Variants in HLX observed in about 807,000 individuals in gnomAD.
HLX encodes the protein H2.0 like homeobox.
HLX carries 6 observed loss-of-function variants against 27.7 expected under a neutral mutation model. The observed-to-expected ratio is 0.22, with a 90% CI of 0.12 to 0.43. The LOEUF (loss-of-function observed/expected upper bound fraction) is 0.43. Among genes scored for constraint, HLX ranks in the 20% least tolerant of loss-of-function variants. The probability of loss-of-function intolerance (pLI) is 1.00; values close to 1 mark genes in which losing one functional copy is unlikely to be tolerated. For missense variants in HLX, 666 were observed against 655.2 expected, an observed-to-expected ratio of 1.02 and a Z score of -0.18; for synonymous variants, 328 against 293.8, an observed-to-expected ratio of 1.12 and a Z score of -1.19.
intron 2 of HLX, chr1:220,881,954 G>A (rs575410025): frequency 1.9e-4 from 125 of 655,646 alleles, no homozygotes; most frequent in Non-Finnish European, 3.0e-4. Flanking sequence ...TCCACTCCAC[G>A]CTCGCTTTAG....
chr1:220,884,831 A>G lies in HLX; in HGVS notation c.*127A>G, dbSNP rs1674535917. On this transcript the variant is annotated 3_prime_UTR_variant, in exon 4 of 4. Coordinates refer to ENST00000366903, the MANE Select transcript of HLX (RefSeq NM_021958.4). The surrounding 1 kb of genome is among the most constrained non-coding windows in gnomAD (Gnocchi z 4.9). Reference sequence around the variant, plus strand: ...CGCAGCGTGGAGCCTACCTCCCGACATTCACGCTTCGCCCCACGCTGCTCC... The same window carrying G: ...CGCAGCGTGGAGCCTACCTCCCGACGTTCACGCTTCGCCCCACGCTGCTCC... 7.0e-7 allele frequency: 1 copy of G among 1,425,190 alleles called. No individual in the cohort carries two copies. The highest frequency in any genetic ancestry group is 1.3e-5 in the South Asian group (1 of 74,608). 88.3% of individuals were successfully genotyped at this position (1,425,190 alleles called of 1,614,324 possible).
chr1:220,881,606 A>G, intron 2 of HLX: 1 of 571,538 alleles, frequency 1.7e-6, no homozygotes, highest in South Asian at 2.0e-5. Flanking sequence ...GTGTGCGTGG[A>G]CGGTGGGGTG....
chr1:220,880,348 G>A lies in HLX; in HGVS notation c.491G>A (p.Gly164Asp). Residue 164 changes from glycine (G) to aspartate (D), a missense_variant, in exon 1 of 4, where the codon GGC becomes GAC. Gly to Asp is a moderately conservative substitution (Grantham distance 94). Coordinates refer to ENST00000366903, the MANE Select transcript of HLX (RefSeq NM_021958.4). ...GTGGTTCCGAACCCCCACCACAGTG[G>A]CTCTGCCCCGGCCCCCTCCAGCAAA... ...TRVVPNPHHS[G>D]SAPAPSSKDL... 6.2e-7 allele frequency: 1 copy of A among 1,614,052 alleles called. No homozygotes were observed. Among genetic ancestry groups the A allele is most frequent in the Non-Finnish European group, 8.5e-7 (1 of 1,179,954 alleles).
intron 1 of HLX, chr1:220,880,708 T>C (rs954545409): frequency 1.6e-5 from 9 of 577,566 alleles, no homozygotes; most frequent in African/African-American, 1.5e-4. Context: ...GTTGGTGTAA[T>C]TATCTGCTAA....
chr1:220,884,477 G>T lies in HLX; in HGVS notation c.1240G>T (p.Ala414Ser), dbSNP rs370407346. The T allele has an allele frequency of 6.2e-7, 1 of 1,614,120 alleles. No individual in the cohort carries two copies. The change falls in exon 4 of 4, where the codon GCC (alanine) becomes TCC (serine). Residue 414 changes from alanine (A) to serine (S), a missense_variant. Ala to Ser is a moderately conservative substitution (Grantham distance 99). Coordinates refer to ENST00000366903, the MANE Select transcript of HLX (RefSeq NM_021958.4). This position sits in a 1 kb window ranked among gnomAD's most constrained non-coding sequence, Gnocchi z 4.9. ...TTVIKAPVTG[A>S]LITASSAGSG... is the part of the protein sequence containing the mutation. ...AGTTATTAAGGCCCCGGTCACTGGC[G>T]CCCTCATTACCGCCAGCAGTGCTGG...
In HLX at chr1:220,884,763, G is replaced by A. The variant is rs1674533948; in HGVS notation, c.*59G>A. 1.9e-6 allele frequency: 3 copies of A among 1,581,166 alleles called. No individual in the cohort carries two copies. The highest frequency in any genetic ancestry group is 1.7e-4 in the Middle Eastern group (1 of 5,834). On this transcript the variant is annotated 3_prime_UTR_variant, in exon 4 of 4. Coordinates refer to ENST00000366903, the MANE Select transcript of HLX (RefSeq NM_021958.4). This position sits in a 1 kb window ranked among gnomAD's most constrained non-coding sequence, Gnocchi z 4.9. ...GTGCAGCCTCCCAACCATGGGCTGG[G>A]TTTTGTGCTTACTGTATGTTGGCGA...
chr1:220,884,423 G>A lies in HLX; in HGVS notation c.1186G>A (p.Gly396Arg). Residue 396 changes from glycine (G) to arginine (R), a missense_variant, in exon 4 of 4, where the codon GGG (glycine) becomes AGG (arginine). Physicochemically the swap from Gly to Arg is moderately radical, Grantham distance 125. Transcript: ENST00000366903. This position sits in a 1 kb window ranked among gnomAD's most constrained non-coding sequence, Gnocchi z 4.9. ...MAPSDTERTEGSERSLHQTTV... is the reference protein window; with the variant it reads ...MAPSDTERTERSERSLHQTTV... The stretch of plus-strand genomic sequence containing the variant: ...CCCCAGCGACACGGAGCGGACTGAG[G>A]GGAGTGAGCGTTCTCTGCACCAAAC... 1 of 1,614,184 alleles carries A rather than the reference G, an allele frequency of 6.2e-7. No homozygotes were observed. The highest frequency in any genetic ancestry group is 1.3e-5 in the African/African-American group (1 of 75,050).
At chr1:220,880,791 A>G (rs1392494271) in intron 1 of HLX, 6 of 411,474 alleles carry the variant, frequency 1.5e-5, no homozygotes, top group Non-Finnish European at 2.6e-5. Flanking sequence ...CATTTTTGGG[A>G]AACACTTTCG....
Position 220,879,531 on chromosome 1 carries a change from G to C in HLX, c.-327G>C, listed in dbSNP as rs1356538125. 2.4e-6 allele frequency: 1 copy of C among 424,910 alleles called. No homozygotes were observed. Among genetic ancestry groups the C allele is most frequent in the Non-Finnish European group, 4.2e-6 (1 of 238,690 alleles). The allele number at this position is 424,910 out of a possible 1,614,324, so 26.3% of individuals were successfully genotyped here. A position where few individuals can be genotyped will look rare whatever the true frequency, so the allele number is the denominator to read the frequency against. ...GGCTTAGCTATTTGGGTTTTCTTGC[G>C]GTGTCCGGCTCCCGTCTCCCTGGCT... On this transcript the variant is annotated 5_prime_UTR_variant, in exon 1 of 4. Coordinates refer to ENST00000366903, the MANE Select transcript of HLX (RefSeq NM_021958.4).
rs1674387085 is a variant in HLX at position 220,879,983 on chromosome 1, C to T, written c.126C>T (p.Pro42=). The change falls in exon 1 of 4, where the codon CCC becomes CCT. Residue 42 remains proline (P), a synonymous_variant. Transcript: ENST00000366903. ...FPLDPAAVKK[P]SFCIADILHA... is the part of the protein sequence containing the mutation. ...TGGACCCCGCCGCCGTCAAAAAGCC[C>T]TCCTTCTGCATCGCAGACATTCTGC... is the stretch of plus-strand genomic sequence containing the variant. The T allele has an allele frequency of 6.3e-7, 1 of 1,599,068 alleles. No individual in the cohort carries two copies. Among genetic ancestry groups the T allele is most frequent in the African/African-American group, 1.3e-5 (1 of 74,952 alleles).
rs771063150 is a variant in HLX, at chr1:220,884,612, G to T, written c.1375G>T (p.Gly459Cys). Reference sequence around the variant, plus strand: ...TTGCGCCAGCAGCCTTGGCGGCGGCGGCGCCTCGGAGCTTCTCCCTGCAAC... The same window carrying T: ...TTGCGCCAGCAGCCTTGGCGGCGGCTGCGCCTCGGAGCTTCTCCCTGCAAC... ...AGCASSLGGGGASELLPATQP... is the reference protein window; with the variant it reads ...AGCASSLGGGCASELLPATQP... Residue 459 changes from glycine (G) to cysteine (C), a missense_variant, in exon 4 of 4, where the codon GGC (glycine) becomes TGC (cysteine). By Grantham distance (159) the Gly-to-Cys change is radical. Coordinates refer to ENST00000366903, the MANE Select transcript of HLX (RefSeq NM_021958.4). This position sits in a 1 kb window ranked among gnomAD's most constrained non-coding sequence, Gnocchi z 4.9. 8.1e-6 allele frequency: 13 copies of T among 1,607,886 alleles called. No homozygotes were observed. The highest frequency in any genetic ancestry group is 1.0e-5 in the Non-Finnish European group (12 of 1,177,500).
At chr1:220,881,157 C>T in intron 1 of HLX, 37 bp from the exon 2 acceptor site, 1 of 1,581,000 alleles carries the variant, frequency 6.3e-7, no homozygotes, top group East Asian at 2.2e-5. Flanking sequence ...TGAGTGTGCC[C>T]GAGATGTAAC....
chr1:220,881,559 T>C (rs1674443795), intron 2 of HLX, 186 bp downstream of exon 2: 5 of 665,084 alleles, frequency 7.5e-6, no homozygotes, highest in Admixed American at 2.3e-5. Flanking sequence ...TGGTTCCCCT[T>C]GAAAAGGGGT....
chr1:220,883,628 C>T (rs577042395), intron 3 of HLX: 1 of 157,070 alleles, frequency 6.4e-6, no homozygotes, highest in South Asian at 1.9e-4. Flanking sequence ...CTGTGATTAA[C>T]AGTTTAAAAC....
Position 220,879,929 on chromosome 1 carries a change from G to C in HLX, c.72G>C (p.Ser24=), listed in dbSNP as rs757694055. The change falls in exon 1 of 4, where the codon TCG becomes TCC. Residue 24 remains serine (S), a synonymous_variant. Transcript: ENST00000366903. ...TCTGGTCGGCCGCTTACTGCTCCTCGGCCGGCCCAGGCGGCTGCTCCTTCC... is the reference window on the plus strand; with the variant it reads ...TCTGGTCGGCCGCTTACTGCTCCTCCGCCGGCCCAGGCGGCTGCTCCTTCC... ...FSLWSAAYCS[S]AGPGGCSFPL... is the part of the protein sequence containing the mutation. 4.6e-5 allele frequency: 74 copies of C among 1,597,094 alleles called. 1 individual carries two copies. The highest frequency in any genetic ancestry group is 5.9e-5 in the Non-Finnish European group (70 of 1,177,874).
rs568333307 is a variant in HLX at position 220,883,879 on chromosome 1, G to C, written c.958-316G>C. The C allele has an allele frequency of 1.4e-5, 6 of 433,816 alleles. No individual in the cohort carries two copies. The South Asian group carries it at 1.8e-4, about 13-fold the overall frequency. The allele number at this position is 433,816 out of a possible 1,614,324, so 26.9% of individuals were successfully genotyped here. A position where few individuals can be genotyped will look rare whatever the true frequency, so the allele number is the denominator to read the frequency against. ...ATTACATGGATTTAGAGTAGAGAGA[G>C]AGTATGTTGGGGGTCGGGTGCAGGA... On this transcript the variant is annotated intron_variant, in intron 3 of 3. Coordinates refer to ENST00000366903, the MANE Select transcript of HLX (RefSeq NM_021958.4).
rs528225208 is a variant in HLX, at chr1:220,879,852, G to A, written c.-6G>A. ...CTGCGGCAGCCGCGCGGCTCACCCCGGCAGGATGTTCGCAGCCGGGCTGGC... is the reference window on the plus strand; with the variant it reads ...CTGCGGCAGCCGCGCGGCTCACCCCAGCAGGATGTTCGCAGCCGGGCTGGC... On this transcript the variant is annotated 5_prime_UTR_variant, in exon 1 of 4. Coordinates refer to ENST00000366903, the MANE Select transcript of HLX (RefSeq NM_021958.4). 3.2e-6 allele frequency: 5 copies of A among 1,570,202 alleles called. No homozygotes were observed. The African/African-American group carries it at 4.1e-5, about 13-fold the overall frequency.
rs747866536 is a variant in HLX, at chr1:220,880,303, C to A, written c.446C>A (p.Pro149His). Residue 149 changes from proline (P) to histidine (H), a missense_variant, in exon 1 of 4, where the codon CCC (proline) becomes CAC (histidine). Pro to His is a moderately conservative substitution (Grantham distance 77, BLOSUM62 -2). Coordinates refer to ENST00000366903, the MANE Select transcript of HLX (RefSeq NM_021958.4). ...CCGCCCCGGGCTGGCGCCCTGCAGC[C>A]CCCGGCCTCGGGGACGCGAGTGGTT... ...PPPPRAGALQ[P>H]PASGTRVVPN... 1.2e-6 allele frequency: 2 copies of A among 1,613,260 alleles called. No individual in the cohort carries two copies. Among genetic ancestry groups the A allele is most frequent in the African/African-American group, 1.3e-5 (1 of 74,820 alleles).
rs1198341200 is a variant in HLX, at chr1:220,882,292, G to C, written c.901G>C (p.Val301Leu). 6.2e-7 allele frequency: 1 copy of C among 1,614,226 alleles called. No individual in the cohort carries two copies. Residue 301 changes from valine (V) to leucine (L), a missense_variant, in exon 3 of 4, where the codon GTG (valine) becomes CTG (leucine). Physicochemically the swap from Val to Leu is conservative, Grantham distance 32. Coordinates refer to ENST00000366903, the MANE Select transcript of HLX (RefSeq NM_021958.4). Reference protein sequence around the residue: ...LEKRFEIQKYVTKPDRKQLAA... With the variant: ...LEKRFEIQKYLTKPDRKQLAA... Reference sequence around the variant, plus strand: ...GAAAAGGTTTGAGATTCAGAAGTACGTGACCAAGCCGGACCGAAAGCAGCT... The same window carrying C: ...GAAAAGGTTTGAGATTCAGAAGTACCTGACCAAGCCGGACCGAAAGCAGCT...
Sources: allele counts gnomAD v4.1 joint callset, GRCh38; gene constraint gnomAD v4.1.1; non-coding constraint Gnocchi (gnomAD v3.1); transcripts MANE v1.5; gene names NCBI Gene and HGNC (gene_info 2026-07-23, HGNC 2026-07-21).